Variants in STON2 observed in about 807,000 individuals in gnomAD.
STON2 encodes the protein stonin 2.
STON2 carries 29 observed loss-of-function variants against 65.7 expected under a neutral mutation model. The observed-to-expected ratio is 0.44, with a 90% CI of 0.33 to 0.60. STON2 has a LOEUF of 0.60. Among genes scored for constraint, STON2 ranks in the 20% least tolerant of loss-of-function variants. STON2 has a pLI of 0.03. For missense variants in STON2, 1,054 were observed against 1,118.1 expected, an observed-to-expected ratio of 0.94 and a Z score of 0.82; for synonymous variants, 404 against 414.2, an observed-to-expected ratio of 0.98 and a Z score of 0.30.
Position 81,266,882 on chromosome 14 carries a change from A to G in STON2, c.*1532T>C, listed in dbSNP as rs1894378163. On this transcript the variant is annotated 3_prime_UTR_variant, in exon 8 of 8. Coordinates refer to ENST00000614646, the MANE Select transcript of STON2 (RefSeq NM_001394390.1). ...TCTGTACTTAGAGGGTTGCATTTTA[A>G]AAACCCAGAATATAGGGTTTCTCAT... 1.0e-6 allele frequency: 1 copy of G among 981,790 alleles called. No individual in the cohort carries two copies. Among genetic ancestry groups the G allele is most frequent in the African/African-American group, 1.7e-5 (1 of 57,166 alleles). 60.8% of individuals were successfully genotyped at this position (981,790 alleles called of 1,614,324 possible). A position where few individuals can be genotyped will look rare whatever the true frequency, so the allele number is the denominator to read the frequency against.
exon 1 of STON2, chr14:81,436,365 C>T (rs1208250189): frequency 1.3e-5 from 2 of 151,600 alleles, no homozygotes; most frequent in African/African-American, 4.8e-5. Context: ...CGAAAGGTCG[C>T]CGCGGCAAAG....
chr14:81,317,227 C>T (rs1896658175), intron 5 of STON2, among the ~76,000 whole-genome samples: 1 of 152,012 alleles, frequency 6.6e-6, no homozygotes, highest in African/African-American at 2.4e-5. Context: ...GTTGAGTGAA[C>T]AAATAGAGGG....
At chr14:81,311,066 A>G (rs1014142667) in intron 5 of STON2, among the ~76,000 whole-genome samples, 8 of 152,188 alleles carry the variant, frequency 5.3e-5, no homozygotes. Flanking sequence ...GCTAAAAGGC[A>G]AGTATATGGA....
Position 81,263,188 on chromosome 14 carries a change from T to C in STON2, c.*5226A>G, listed in dbSNP as rs937809324. 2.2e-5 allele frequency: 22 copies of C among 984,250 alleles called. No homozygotes were observed. The African/African-American group carries it at 3.8e-4, about 17-fold the overall frequency. The allele number at this position is 984,250 out of a possible 1,614,324, so 61.0% of individuals were successfully genotyped here. On this transcript the variant is annotated 3_prime_UTR_variant, in exon 8 of 8. Transcript: ENST00000614646. Reference sequence around the variant, plus strand: ...ACCTAAGGCTAGCTTGTCCAACCCTTGGCCCATGATGGTTTTGAATGTGGC... The same window carrying C: ...ACCTAAGGCTAGCTTGTCCAACCCTCGGCCCATGATGGTTTTGAATGTGGC...
Position 81,398,461 on chromosome 14 carries a change from G to C in STON2, c.-79C>G. On this transcript the variant is annotated 5_prime_UTR_variant, in exon 2 of 8. Transcript: ENST00000614646. ...TACTGTCTGGGGTGGGCTGGAGTAGGGGTATGGTAGTACGGTAGACTTGGG... is the reference window on the plus strand; with the variant it reads ...TACTGTCTGGGGTGGGCTGGAGTAGCGGTATGGTAGTACGGTAGACTTGGG... The C allele has an allele frequency of 8.9e-7, 1 of 1,121,602 alleles. No homozygotes were observed. Among genetic ancestry groups the C allele is most frequent in the Non-Finnish European group, 1.4e-6 (1 of 739,322 alleles). The allele number at this position is 1,121,602 out of a possible 1,614,324, so 69.5% of individuals were successfully genotyped here. A position where few individuals can be genotyped will look rare whatever the true frequency, so the allele number is the denominator to read the frequency against.
Position 81,277,390 on chromosome 14 carries a change from T to C in STON2, c.2092A>G (p.Lys698Glu). 1 of 1,614,140 alleles carries C rather than the reference T, an allele frequency of 6.2e-7. No individual in the cohort carries two copies. Among genetic ancestry groups the C allele is most frequent in the Non-Finnish European group, 8.5e-7 (1 of 1,180,034 alleles). ...CCATGGAAACGGCACTCATGGAGCT[T>C]GATCCACTTTGTGGTGGTGGTGGGC... ...IMPTTTTKWI[K>E]LHECRFHGCV... The change falls in exon 6 of 8, where the codon AAG becomes GAG. Residue 698 changes from lysine (K) to glutamate (E), a missense_variant. Coordinates refer to ENST00000614646, the MANE Select transcript of STON2 (RefSeq NM_001394390.1).
rs565245573 is a variant in STON2, at chr14:81,266,626, G to A, written c.*1788C>T. The A allele has an allele frequency of 1.1e-5, 10 of 943,374 alleles. No individual in the cohort carries two copies. In the African/African-American group the frequency reaches 1.8e-4, roughly 17 times the overall value. 58.4% of individuals were successfully genotyped at this position (943,374 alleles called of 1,614,324 possible). ...TGAACTCAACCCTCCATTTAGATAT[G>A]GACTAGATGGAGGGTTAATAAAAGC... is the stretch of plus-strand genomic sequence containing the variant. On this transcript the variant is annotated 3_prime_UTR_variant, in exon 8 of 8. Coordinates refer to ENST00000614646, the MANE Select transcript of STON2 (RefSeq NM_001394390.1).
chr14:81,358,056 T>TA (rs898683379), intron 4 of STON2, among the ~76,000 whole-genome samples: 4 of 149,722 alleles, frequency 2.7e-5, no homozygotes, highest in South Asian at 2.1e-4. Flanking sequence ...TTAAAAAAAT[T>TA]AAAAAAAAAG....
At chr14:81,294,064 C>CAGAA (rs1566893715) in intron 5 of STON2, among the ~76,000 whole-genome samples, 3 of 152,160 alleles carry the variant, frequency 2.0e-5, no homozygotes, top group African/African-American at 7.2e-5. Flanking sequence ...AAATTGGCTT[C>CAGAA]TGTTACTTGC....
chr14:81,396,973 G>A (rs138877592), intron 2 of STON2, among the ~76,000 whole-genome samples: 6,004 of 152,160 alleles, frequency 0.039, 192 homozygotes, highest in Middle Eastern at 0.075. Context: ...CAGGAGAATC[G>A]CTTGAATCCA....
intron 2 of STON2, among the ~76,000 whole-genome samples, chr14:81,409,250 C>T (rs1023651993): frequency 2.6e-5 from 4 of 151,776 alleles, no homozygotes; most frequent in African/African-American, 7.3e-5. Context: ...ACTAAAAATA[C>T]GAAAATTAGC....
At chr14:81,333,067 T>G in intron 4 of STON2, 1 of 745,038 alleles carries the variant, frequency 1.3e-6, no homozygotes, top group Non-Finnish European at 2.3e-6. Flanking sequence ...TTTCTTCTCA[T>G]ACAGACCATG....
At chr14:81,407,928 G>A (rs1900948846) in intron 2 of STON2, among the ~76,000 whole-genome samples, 1 of 152,170 alleles carries the variant, frequency 6.6e-6, no homozygotes, top group Admixed American at 6.5e-5. Flanking sequence ...AGCCATAGAA[G>A]CTGAATCAGA....
At chr14:81,372,383 T>C (rs1410214255) in intron 3 of STON2, among the ~76,000 whole-genome samples, 1 of 151,458 alleles carries the variant, frequency 6.6e-6, no homozygotes. Flanking sequence ...CAAAACCCCG[T>C]CTCTGCTAAA....
intron 5 of STON2, among the ~76,000 whole-genome samples, chr14:81,298,421 G>GA (rs201472918): frequency 3.1e-5 from 2 of 64,968 alleles, no homozygotes; most frequent in Admixed American, 4.0e-4. Flanking sequence ...AGATGGGGGG[G>GA]GGGAATCACA....
At position 81,277,640 on chromosome 14, in the gene STON2, C is replaced by T; in HGVS notation, c.1842G>A (p.Met614Ile). ...AGTTGAGGCCAACTGTGCTCAAGTCCATTGACAACACTGGCAGATCCATGA... is the reference window on the plus strand; with the variant it reads ...AGTTGAGGCCAACTGTGCTCAAGTCTATTGACAACACTGGCAGATCCATGA... ...DRLMDLPVLS[M>I]DLSTVGLNYL... Residue 614 changes from methionine to isoleucine, a missense_variant, in exon 6 of 8, where the codon ATG (methionine) becomes ATA (isoleucine). Physicochemically the swap from Met to Ile is conservative, Grantham distance 10. Coordinates refer to ENST00000614646, the MANE Select transcript of STON2 (RefSeq NM_001394390.1). 1 of 1,614,170 alleles carries T rather than the reference C, an allele frequency of 6.2e-7. No homozygotes were observed. Among genetic ancestry groups the T allele is most frequent in the Non-Finnish European group, 8.5e-7 (1 of 1,180,032 alleles).
At position 81,277,455 on chromosome 14, in the gene STON2, AG is replaced by A. The variant is rs1225991343; in HGVS notation, c.2026del (p.Leu676SerfsTer7). 2 of 1,614,128 alleles carry A rather than the reference AG, an allele frequency of 1.2e-6. No individual in the cohort carries two copies. On this transcript the variant is annotated frameshift_variant, in exon 6 of 8. Coordinates refer to ENST00000614646, the MANE Select transcript of STON2 (RefSeq NM_001394390.1). LOFTEE classifies it high-confidence loss of function. Reference sequence around the variant, plus strand: ...CAAAACTATTTCATTCCCTTTGACGAGGATGTCATTGAGGCCCAGGCGGCAC... The same window carrying A: ...CAAAACTATTTCATTCCCTTTGACGAGATGTCATTGAGGCCCAGGCGGCAC... ...AECRLGLNDILVKGNEIVLRQ... is the reference protein window; with the variant it reads ...AECRLGLNDIXVKGNEIVLRQ...
At chr14:81,365,077 T>A (rs1898661161) in intron 4 of STON2, among the ~76,000 whole-genome samples, 1 of 152,182 alleles carries the variant, frequency 6.6e-6, no homozygotes, top group African/African-American at 2.4e-5. Flanking sequence ...CTGGGTTGAA[T>A]AAAGGTTGCC....
At position 81,267,782 on chromosome 14, in the gene STON2, T is replaced by C. The variant is rs1894413689; in HGVS notation, c.*632A>G. On this transcript the variant is annotated 3_prime_UTR_variant, in exon 8 of 8. Transcript: ENST00000614646. ...GTCTATTGTGACTCAGGATAGCAAA[T>C]CCTGTGACTGAAACCTTAGAGAGAT... The C allele has an allele frequency of 2.0e-6, 2 of 985,298 alleles. No individual in the cohort carries two copies. Among genetic ancestry groups the C allele is most frequent in the South Asian group, 4.7e-5 (1 of 21,288 alleles). 61.0% of individuals were successfully genotyped at this position (985,298 alleles called of 1,614,324 possible).
Sources: allele counts gnomAD v4.1 joint callset (sites outside exome capture counted in the v4.1 genomes callset), GRCh38; gene constraint gnomAD v4.1.1; transcripts MANE v1.5; gene names NCBI Gene and HGNC (gene_info 2026-07-23, HGNC 2026-07-21).